The following BBS10 variants were observed in gnomAD, a reference collection of about 807,000 sequenced individuals.
BBS10 encodes BBSome complex assembly protein BBS10.
A neutral mutation model predicts 12.7 loss-of-function variants in BBS10; 13 were observed. The ratio of observed to expected loss-of-function variants is 1.03; its 90% CI spans 0.67 to 1.63. The LOEUF (loss-of-function observed/expected upper bound fraction) is 1.63, where lower values mean the gene tolerates loss of function less well. BBS10 is among the 40% of genes most tolerant of loss of function. The pLI is 0.00. For missense variants in BBS10, 858 were observed against 858.0 expected (o/e 1.00, Z 0.00); for synonymous variants, 294 against 304.8 (o/e 0.96, Z 0.37).
Position 76,345,195 on chromosome 12 carries a change from AATCT to A in BBS10, c.*614_*617del, listed in dbSNP as rs1287747363. 1 of 152,460 alleles carries A rather than the reference AATCT, an allele frequency of 6.6e-6. No individual in the cohort carries two copies. Among genetic ancestry groups the A allele is most frequent in the African/African-American group, 2.4e-5 (1 of 41,434 alleles). The allele number at this position is 152,460 out of a possible 1,614,324, so 9.4% of individuals were successfully genotyped here. On this transcript the variant is annotated 3_prime_UTR_variant, in exon 2 of 2. Coordinates refer to ENST00000650064, the MANE Select transcript of BBS10 (RefSeq NM_024685.4). ...TATTCAAAGGTATATCAAAGGTGAA[AATCT>A]ATCCAAGTTTTCCAAATGAAGTGGC...
chr12:76,345,688 TAA>T lies in BBS10; in HGVS notation c.*123_*124del, dbSNP rs1340068562. ...TCTGGTGACCTTAGTGTGCTTCTTC[TAA>T]AGACTTTTAAAGTTACGCTATTTTC... On this transcript the variant is annotated 3_prime_UTR_variant, in exon 2 of 2. Transcript: ENST00000650064. 9 of 872,868 alleles carry T rather than the reference TAA, an allele frequency of 1.0e-5. No homozygotes were observed. Among genetic ancestry groups the T allele is most frequent in the African/African-American group, 3.4e-5 (2 of 59,536 alleles). The allele number at this position is 872,868 out of a possible 1,614,324, so 54.1% of individuals were successfully genotyped here. A position where few individuals can be genotyped will look rare whatever the true frequency, so the allele number is the denominator to read the frequency against.
chr12:76,345,772 TGA>T lies in BBS10; in HGVS notation c.*39_*40del. ...GGTCACATGACTGCTTTACTTGGCT[TGA>T]GTTAGATGAAAAGTTTGGTTAATTA... On this transcript the variant is annotated 3_prime_UTR_variant, in exon 2 of 2. Coordinates refer to ENST00000650064, the MANE Select transcript of BBS10 (RefSeq NM_024685.4). 1 of 1,567,122 alleles carries T rather than the reference TGA, an allele frequency of 6.4e-7. No homozygotes were observed. Among genetic ancestry groups the T allele is most frequent in the Non-Finnish European group, 8.8e-7 (1 of 1,142,008 alleles).
In BBS10 at chr12:76,346,736, C is replaced by T; in HGVS notation, c.1249G>A (p.Ala417Thr). 6.2e-7 allele frequency: 1 copy of T among 1,614,102 alleles called. No individual in the cohort carries two copies. The highest frequency in any genetic ancestry group is 1.1e-5 in the South Asian group (1 of 91,084). ...AATAATTGCCGAAGCATTTTAAGTG[C>T]TCCATGTAAAGCATCCTCATGTTGT... is the stretch of plus-strand genomic sequence containing the variant. ...IEQHEDALHG[A>T]LKMLRQLFKD... The change falls in exon 2 of 2, where the codon GCA becomes ACA. Residue 417 changes from alanine to threonine, a missense_variant. Coordinates refer to ENST00000650064, the MANE Select transcript of BBS10 (RefSeq NM_024685.4).
In BBS10 at chr12:76,345,662, G is replaced by A; in HGVS notation, c.*151C>T. On this transcript the variant is annotated 3_prime_UTR_variant, in exon 2 of 2. Coordinates refer to ENST00000650064, the MANE Select transcript of BBS10 (RefSeq NM_024685.4). ...TAAAGTAATTTAATATTTGTATCTG[G>A]TCTGGTGACCTTAGTGTGCTTCTTC... 1 of 699,396 alleles carries A rather than the reference G, an allele frequency of 1.4e-6. No homozygotes were observed. The highest frequency in any genetic ancestry group is 1.8e-5 in the African/African-American group (1 of 55,874). 43.3% of individuals were successfully genotyped at this position (699,396 alleles called of 1,614,324 possible).
rs372764976 is a variant in BBS10, at chr12:76,347,810, A to T, written c.198-23T>A. The T allele has an allele frequency of 3.8e-6, 6 of 1,597,812 alleles. No individual in the cohort carries two copies. The African/African-American group carries it at 5.4e-5, about 14-fold the overall frequency. On this transcript the variant is annotated intron_variant, in intron 1 of 1. Coordinates refer to ENST00000650064, the MANE Select transcript of BBS10 (RefSeq NM_024685.4). Reference sequence around the variant, plus strand: ...ATCCTGTACAAAAAAGAAATAAAGCAACTCATTTTCAGAAGGCTGGCTTCC... The same window carrying T: ...ATCCTGTACAAAAAAGAAATAAAGCTACTCATTTTCAGAAGGCTGGCTTCC...
intron 1 of BBS10, 32 bp from the exon 2 acceptor site, chr12:76,347,819 T>C: frequency 6.3e-7 from 1 of 1,595,002 alleles, no homozygotes; most frequent in South Asian, 1.1e-5. Flanking sequence ...CAACTCATTT[T>C]CAGAAGGCTG....
At position 76,347,316 on chromosome 12, in the gene BBS10, A is replaced by G; in HGVS notation, c.669T>C (p.Val223=). The change falls in exon 2 of 2, where the codon GTT becomes GTC. Residue 223 remains valine (V), a synonymous_variant. Coordinates refer to ENST00000650064, the MANE Select transcript of BBS10 (RefSeq NM_024685.4). ...CTGAAACAGGAAGGCCAGTGACACC[A>G]ACATTCAACTCTACAAAATGGTCAT... ...LVDDHFVELN[V]GVTGLPVSDS... The G allele has an allele frequency of 6.2e-7, 1 of 1,614,082 alleles. No individual in the cohort carries two copies. Among genetic ancestry groups the G allele is most frequent in the Non-Finnish European group, 8.5e-7 (1 of 1,180,032 alleles).
Position 76,347,553 on chromosome 12 carries a change from A to C in BBS10, c.432T>G (p.Ile144Met). 1.2e-6 allele frequency: 2 copies of C among 1,613,776 alleles called. No homozygotes were observed. The highest frequency in any genetic ancestry group is 2.2e-5 in the East Asian group (1 of 44,868). Residue 144 changes from isoleucine (I) to methionine (M), a missense_variant, in exon 2 of 2, where the codon ATT becomes ATG. Transcript: ENST00000650064. Reference protein sequence around the residue: ...LTFQTQILDGIMDQYLSRHFL... With the variant: ...LTFQTQILDGMMDQYLSRHFL... The stretch of plus-strand genomic sequence containing the variant: ...AGTGTCTACTTAGGTACTGGTCCAT[A>C]ATACCGTCTAATATTTGTGTCTGAA...
Position 76,348,280 on chromosome 12 carries a change from A to G in BBS10, c.79T>C (p.Cys27Arg). 1.2e-6 allele frequency: 2 copies of G among 1,613,024 alleles called. No homozygotes were observed. Among genetic ancestry groups the G allele is most frequent in the Non-Finnish European group, 1.7e-6 (2 of 1,179,534 alleles). Reference protein sequence around the residue: ...VAEVLEAIVSCCVGPEGRQVL... With the variant: ...VAEVLEAIVSRCVGPEGRQVL... ...TGCCGTCCCTCGGGCCCCACGCAGC[A>G]GCTCACGATGGCTTCCAGCACCTCG... The change falls in exon 1 of 2, where the codon TGC becomes CGC. Residue 27 changes from cysteine (C) to arginine (R), a missense_variant. Transcript: ENST00000650064.
In BBS10 at chr12:76,347,776, T is replaced by C. The variant is rs529208223; in HGVS notation, c.209A>G (p.Asp70Gly). 6.2e-7 allele frequency: 1 copy of C among 1,601,212 alleles called. No homozygotes were observed. Among genetic ancestry groups the C allele is most frequent in the Non-Finnish European group, 8.5e-7 (1 of 1,179,730 alleles). The change falls in exon 2 of 2, where the codon GAC becomes GGC. Residue 70 changes from aspartate to glycine, a missense_variant. By Grantham distance (94) the Asp-to-Gly change is moderately conservative. Coordinates refer to ENST00000650064, the MANE Select transcript of BBS10 (RefSeq NM_024685.4). Reference sequence around the variant, plus strand: ...TTTTTTGAGATGACTGGAAACACAGTCCACTATCATCCTGTACAAAAAAGA... The same window carrying C: ...TTTTTTGAGATGACTGGAAACACAGCCCACTATCATCCTGTACAAAAAAGA... Reference protein sequence around the residue: ...LEHPIARMIVDCVSSHLKKTG... With the variant: ...LEHPIARMIVGCVSSHLKKTG...
At position 76,348,304 on chromosome 12, in the gene BBS10, C is replaced by A. The variant is rs1001512051; in HGVS notation, c.55G>T (p.Glu19Ter). The A allele has an allele frequency of 1.2e-6, 2 of 1,611,116 alleles. No homozygotes were observed. The highest frequency in any genetic ancestry group is 8.5e-7 in the Non-Finnish European group (1 of 1,178,676). The change falls in exon 1 of 2, where the codon GAG becomes TAG. Residue 19 changes from glutamate (E) to a stop codon, truncating the protein, a stop_gained. Transcript: ENST00000650064. LOFTEE classifies it high-confidence loss of function. The stretch of plus-strand genomic sequence containing the variant: ...CAGCTCACGATGGCTTCCAGCACCT[C>A]GGCCACCTGCAACGCCGCCTTCACA... ...GSVKAALQVA[E>*]VLEAIVSCCV...
rs1418082162 is a variant in BBS10 at position 76,347,783 on chromosome 12, T to C, written c.202A>G (p.Ile68Val). ...LHLEHPIARM[I>V]VDCVSSHLKK... Reference sequence around the variant, plus strand: ...AGATGACTGGAAACACAGTCCACTATCATCCTGTACAAAAAAGAAATAAAG... The same window carrying C: ...AGATGACTGGAAACACAGTCCACTACCATCCTGTACAAAAAAGAAATAAAG... Residue 68 changes from isoleucine (I) to valine (V), a missense_variant, in exon 2 of 2, where the codon ATA (isoleucine) becomes GTA (valine). Ile to Val is a conservative substitution (Grantham distance 29). Coordinates refer to ENST00000650064, the MANE Select transcript of BBS10 (RefSeq NM_024685.4). The C allele has an allele frequency of 4.4e-6, 7 of 1,601,048 alleles. No individual in the cohort carries two copies. Among genetic ancestry groups the C allele is most frequent in the Non-Finnish European group, 5.9e-6 (7 of 1,179,752 alleles).
chr12:76,345,683 T>C lies in BBS10; in HGVS notation c.*130A>G. ...TCTGGTCTGGTGACCTTAGTGTGCT[T>C]CTTCTAAAGACTTTTAAAGTTACGC... On this transcript the variant is annotated 3_prime_UTR_variant, in exon 2 of 2. Transcript: ENST00000650064. 1.2e-6 allele frequency: 1 copy of C among 834,148 alleles called. No individual in the cohort carries two copies. The highest frequency in any genetic ancestry group is 1.9e-6 in the Non-Finnish European group (1 of 513,214). The allele number at this position is 834,148 out of a possible 1,614,324, so 51.7% of individuals were successfully genotyped here.
At position 76,347,689 on chromosome 12, in the gene BBS10, G is replaced by A; in HGVS notation, c.296C>T (p.Ala99Val). The change falls in exon 2 of 2, where the codon GCA becomes GTA. Residue 99 changes from alanine (A) to valine (V), a missense_variant. By Grantham distance (64) the Ala-to-Val change is moderately conservative. Transcript: ENST00000650064. ...AGGATCCTTTTCTCTGTCTGTGATT[G>A]CATGAAGTCCTCTAAGCAAATGGCA... ...FLCHLLRGLH[A>V]ITDREKDPLM... is the part of the protein sequence containing the mutation. 2 of 1,612,596 alleles carry A rather than the reference G, an allele frequency of 1.2e-6. No homozygotes were observed. Among genetic ancestry groups the A allele is most frequent in the East Asian group, 4.5e-5 (2 of 44,824 alleles).
chr12:76,347,988 T>C (rs1322643513), intron 1 of BBS10, among the ~76,000 whole-genome samples, 174 bp downstream of exon 1: 2 of 152,084 alleles, frequency 1.3e-5, no homozygotes, highest in Non-Finnish European at 2.9e-5. Context: ...TCTTGAGAAT[T>C]GGTAAGATTT....
In BBS10 at chr12:76,346,330, C is replaced by T; in HGVS notation, c.1655G>A (p.Gly552Glu). The T allele has an allele frequency of 6.2e-7, 1 of 1,613,896 alleles. No homozygotes were observed. Residue 552 changes from glycine (G) to glutamate (E), a missense_variant, in exon 2 of 2, where the codon GGA (glycine) becomes GAA (glutamate). Gly to Glu is a moderately conservative substitution (Grantham distance 98, BLOSUM62 -2). Transcript: ENST00000650064. Reference protein sequence around the residue: ...KNNSTAYSTRGNRIEISYENL... With the variant: ...KNNSTAYSTRENRIEISYENL... ...TTCGTAAGAAATTTCTATTCTATTT[C>T]CCCTTGTTGAATAAGCAGTGGAATT...
chr12:76,347,878 A>G (rs1305065669), intron 1 of BBS10, 91 bp from the exon 2 acceptor site: 9 of 1,372,594 alleles, frequency 6.6e-6, no homozygotes, highest in Non-Finnish European at 9.0e-6. Context: ...GCATAAAATG[A>G]GAATATTGTT....
Position 76,348,384 on chromosome 12 carries a change from C to T in BBS10, c.-26G>A, listed in dbSNP as rs1951779911. 6.4e-7 allele frequency: 1 copy of T among 1,555,346 alleles called. No homozygotes were observed. The highest frequency in any genetic ancestry group is 8.7e-7 in the Non-Finnish European group (1 of 1,150,944). On this transcript the variant is annotated 5_prime_UTR_variant, in exon 1 of 2. Coordinates refer to ENST00000650064, the MANE Select transcript of BBS10 (RefSeq NM_024685.4). ...ATCTGGGCCGCTTCCCCTTTTTGACCAGCTTGCAGAACACCCGGGCCGACC... is the reference window on the plus strand; with the variant it reads ...ATCTGGGCCGCTTCCCCTTTTTGACTAGCTTGCAGAACACCCGGGCCGACC...
chr12:76,347,242 T>A lies in BBS10; in HGVS notation c.743A>T (p.Tyr248Phe). 1.9e-6 allele frequency: 3 copies of A among 1,612,990 alleles called. No homozygotes were observed. Among genetic ancestry groups the A allele is most frequent in the Non-Finnish European group, 2.5e-6 (3 of 1,180,014 alleles). The change falls in exon 2 of 2, where the codon TAC becomes TTC. Residue 248 changes from tyrosine to phenylalanine, a missense_variant. Physicochemically the swap from Tyr to Phe is conservative, Grantham distance 22 (BLOSUM62 3). Transcript: ENST00000650064. ...GLVLQKDFSV[Y>F]RPADGDMRMV... ...TCGCATGTCACCATCTGCTGGGCGG[T>A]ACACAGAAAAATCTTTCTGAAGCAC...
Sources: allele counts gnomAD v4.1 joint callset (sites outside exome capture counted in the v4.1 genomes callset), GRCh38; gene constraint gnomAD v4.1.1; transcripts MANE v1.5; gene names NCBI Gene and HGNC (gene_info 2026-07-23, HGNC 2026-07-21).